The following HMGCLL1 variants were observed in gnomAD, a reference collection of about 807,000 sequenced individuals.
The protein encoded by HMGCLL1 is 3-hydroxymethyl-3-methylglutaryl-CoA lyase, cytoplasmic.
A neutral mutation model predicts 39.1 loss-of-function variants in HMGCLL1; 36 were observed. The observed-to-expected ratio is 0.92, with a 90% confidence interval of 0.71 to 1.22. The LOEUF is 1.22. HMGCLL1 is among the 50% of genes most tolerant of loss of function. The pLI, the probability that HMGCLL1 is intolerant of heterozygous loss-of-function variation, is 0.00. For missense variants in HMGCLL1, 451 were observed against 416.5 expected (o/e 1.08, Z -0.72); for synonymous variants, 149 against 144.0 (o/e 1.03, Z -0.25).
the HMGCLL1 span, among the ~76,000 whole-genome samples, chr6:55,629,434 G>A: frequency 6.6e-6 from 1 of 152,130 alleles, no homozygotes; most frequent in African/African-American, 2.4e-5. Flanking sequence ...TATAAGGGAA[G>A]CAGAGCATAA....
intron 7 of HMGCLL1, among the ~76,000 whole-genome samples, chr6:55,492,940 G>A (rs1049621210): frequency 1.3e-4 from 20 of 151,938 alleles, no homozygotes; most frequent in African/African-American, 4.6e-4. Context: ...CCACTGAGGG[G>A]TACAGTATCG....
At chr6:55,669,115 TAA>T in the HMGCLL1 span, among the ~76,000 whole-genome samples, 1,068 of 142,532 alleles carry the variant, frequency 7.5e-3, 13 homozygotes, top group African/African-American at 0.022. Context: ...AAGGAGGAAT[TAA>T]AAAAAAAAAA....
chr6:55,589,329 A>G, the HMGCLL1 span, among the ~76,000 whole-genome samples: 1 of 152,176 alleles, frequency 6.6e-6, no homozygotes, highest in African/African-American at 2.4e-5. Context: ...AGATGCAGAA[A>G]AGGCCTTTGA....
chr6:55,476,435 T>G (rs1765289203), intron 7 of HMGCLL1, among the ~76,000 whole-genome samples: 1 of 151,634 alleles, frequency 6.6e-6, no homozygotes, highest in African/African-American at 2.4e-5. Context: ...CTTCCTAAAT[T>G]TATGTATTGA....
At chr6:55,448,635 TA>T (rs1763957722) in intron 7 of HMGCLL1, among the ~76,000 whole-genome samples, 1 of 152,154 alleles carries the variant, frequency 6.6e-6, no homozygotes, top group South Asian at 2.1e-4. Context: ...TCAAATTCTG[TA>T]GATGATTCTT....
intron 7 of HMGCLL1, among the ~76,000 whole-genome samples, chr6:55,481,768 G>A (rs1765760011): frequency 6.6e-6 from 1 of 151,796 alleles, no homozygotes; most frequent in Non-Finnish European, 1.5e-5. Context: ...CACAATTTTG[G>A]AAAATAAGCA....
chr6:55,562,356 G>A (rs2127471210), intron 1 of HMGCLL1, among the ~76,000 whole-genome samples: 1 of 152,086 alleles, frequency 6.6e-6, no homozygotes, highest in Non-Finnish European at 1.5e-5. Flanking sequence ...GTTTCCAGTT[G>A]TATTTTAGAA....
chr6:55,464,800 T>C (rs1207046945), intron 7 of HMGCLL1, among the ~76,000 whole-genome samples: 2 of 152,178 alleles, frequency 1.3e-5, no homozygotes, highest in African/African-American at 4.8e-5. Context: ...GAATCAGTCC[T>C]GGAGGCTGCT....
At chr6:55,571,666 G>A (rs528228347) in intron 1 of HMGCLL1, among the ~76,000 whole-genome samples, 15 of 151,850 alleles carry the variant, frequency 9.9e-5, no homozygotes, top group Non-Finnish European at 1.0e-4. Flanking sequence ...AAAATTAGCC[G>A]GGCACAGTAG....
chr6:55,439,407 A>G, intron 8 of HMGCLL1, 27 bp downstream of exon 8: 2 of 1,591,568 alleles, frequency 1.3e-6, no homozygotes, highest in Non-Finnish European at 1.7e-6. Flanking sequence ...GAATGCATGA[A>G]TATTAAAATA....
At chr6:55,479,275 A>G (rs1483937368) in intron 7 of HMGCLL1, among the ~76,000 whole-genome samples, 5 of 151,544 alleles carry the variant, frequency 3.3e-5, no homozygotes, top group African/African-American at 1.2e-4. Flanking sequence ...ATCTGCTGAG[A>G]ACAATTTTGC....
chr6:55,626,493 C>G, the HMGCLL1 span, among the ~76,000 whole-genome samples: 1 of 152,050 alleles, frequency 6.6e-6, no homozygotes, highest in Non-Finnish European at 1.5e-5. Context: ...CAATACTTTA[C>G]AGGGCTGGGG....
At chr6:55,496,990 C>T (rs980216666) in intron 6 of HMGCLL1, among the ~76,000 whole-genome samples, 1 of 152,094 alleles carries the variant, frequency 6.6e-6, no homozygotes, top group African/African-American at 2.4e-5. Context: ...CACTAAGTAG[C>T]TTTGCAAATG....
chr6:55,589,371 C>G, the HMGCLL1 span, among the ~76,000 whole-genome samples: 2 of 152,244 alleles, frequency 1.3e-5, no homozygotes, highest in East Asian at 1.9e-4. Context: ...GCTAAAAACT[C>G]TCAATAAATT....
the HMGCLL1 span, among the ~76,000 whole-genome samples, chr6:55,662,458 TA>T: frequency 1.3e-5 from 2 of 151,832 alleles, no homozygotes; most frequent in East Asian, 3.9e-4. Context: ...TTCTTGTTTT[TA>T]GTTTTAGTAT....
chr6:55,489,015 TA>T (rs1045838501), intron 7 of HMGCLL1, among the ~76,000 whole-genome samples: 7 of 151,920 alleles, frequency 4.6e-5, no homozygotes, highest in East Asian at 3.9e-4. Flanking sequence ...TACATTAAGC[TA>T]AAAAAACAGT....
chr6:55,480,765 T>A (rs1282591217), intron 7 of HMGCLL1, among the ~76,000 whole-genome samples: 1 of 150,162 alleles, frequency 6.7e-6, no homozygotes, highest in East Asian at 1.9e-4. Context: ...ATAAAGATAA[T>A]GTGGTGTATA....
At chr6:55,586,281 G>A in the HMGCLL1 span, among the ~76,000 whole-genome samples, 8 of 152,078 alleles carry the variant, frequency 5.3e-5, no homozygotes, top group Admixed American at 2.6e-4. Flanking sequence ...GACCACATTC[G>A]AGAGGATTGG....
chr6:55,483,883 T>C (rs1765869717), intron 7 of HMGCLL1, among the ~76,000 whole-genome samples: 3 of 152,224 alleles, frequency 2.0e-5, no homozygotes, highest in South Asian at 4.1e-4. Flanking sequence ...ATATCAGCTA[T>C]TGTTATCACA....
Sources: allele counts gnomAD v4.1 joint callset (sites outside exome capture counted in the v4.1 genomes callset), GRCh38; gene constraint gnomAD v4.1.1; transcripts MANE v1.5; gene names NCBI Gene and HGNC (gene_info 2026-07-23, HGNC 2026-07-21).